Variants in EFTUD2 observed in about 807,000 individuals in gnomAD.
EFTUD2 encodes 116 kDa U5 small nuclear ribonucleoprotein component.
EFTUD2 carries 9 observed loss-of-function variants against 114.3 expected under a neutral mutation model. The ratio of observed to expected loss-of-function variants is 0.08; its 90% CI spans 0.05 to 0.14. The LOEUF (loss-of-function observed/expected upper bound fraction) is 0.14, where lower values mean the gene tolerates loss of function less well. EFTUD2 is among the 10% of genes least tolerant of loss of function. The pLI is 1.00. For missense variants in EFTUD2, 765 were observed against 1,241.2 expected (o/e 0.62, Z 5.76); for synonymous variants, 449 against 462.3 (o/e 0.97, Z 0.37).
intron 2 of EFTUD2, among the ~76,000 whole-genome samples, chr17:44,893,483 T>C (rs997794374): frequency 6.6e-6 from 1 of 152,170 alleles, no homozygotes; most frequent in Non-Finnish European, 1.5e-5. Context: ...CCAGTGCAGC[T>C]GTAGCTGGAA....
Position 44,857,139 on chromosome 17 carries a change from T to C in EFTUD2, c.1981A>G (p.Thr661Ala). 6.2e-7 allele frequency: 1 copy of C among 1,613,972 alleles called. No homozygotes were observed. The highest frequency in any genetic ancestry group is 8.5e-7 in the Non-Finnish European group (1 of 1,179,864). Residue 661 changes from threonine to alanine, a missense_variant, in exon 20 of 28, where the codon ACG becomes GCG. Physicochemically the swap from Thr to Ala is moderately conservative, Grantham distance 58. Around this residue, in one of 6 missense-constraint regions of EFTUD2, gnomAD observed 149 missense variants for 245.1 expected, o/e 0.61. Coordinates refer to ENST00000426333, the MANE Select transcript of EFTUD2 (RefSeq NM_004247.4). ...GTTTCCACCACCGTCTCACAAAACG[T>C]GACAACTGGGTCAGCCACCTGGGAA... ...IDIKVADPVV[T>A]FCETVVETSS...
rs138388046 is a variant in EFTUD2, at chr17:44,860,253, C to A, written c.1719+179G>T. On this transcript the variant is annotated intron_variant, in intron 17 of 27. Coordinates refer to ENST00000426333, the MANE Select transcript of EFTUD2 (RefSeq NM_004247.4). ...AGAGGAGGAAAATAATAAAAGGCAC[C>A]CGTCCTAATTCCTCGCATCTGAACT... 3.9e-3 allele frequency: 3,012 copies of A among 767,694 alleles called. 5 individuals are homozygous for A. The highest frequency in any genetic ancestry group is 5.4e-3 in the Non-Finnish European group (2,562 of 470,266). 47.6% of individuals were successfully genotyped at this position (767,694 alleles called of 1,614,324 possible).
intron 14 of EFTUD2, among the ~76,000 whole-genome samples, chr17:44,864,341 C>T (rs1287091419): frequency 6.6e-6 from 1 of 152,166 alleles, no homozygotes; most frequent in East Asian, 1.9e-4. Flanking sequence ...GGCCCAGACA[C>T]CTAATTCCCA....
intron 3 of EFTUD2, among the ~76,000 whole-genome samples, chr17:44,885,699 T>G (rs760731770): frequency 2.6e-5 from 4 of 152,134 alleles, no homozygotes; most frequent in Non-Finnish European, 5.9e-5. Context: ...GTTTCACTGT[T>G]ACCCAGGCTG....
At position 44,877,188 on chromosome 17, in the gene EFTUD2, G is replaced by A. The variant is rs1393575388; in HGVS notation, c.703-1088C>T. Among the ~76,000 whole-genome samples the A allele has an allele frequency of 4.6e-5, 7 of 151,134 alleles. No individual in the cohort carries two copies. In the East Asian group the frequency reaches 1.2e-3, roughly 25 times the overall value. On this transcript the variant is annotated intron_variant, in intron 9 of 27. Coordinates refer to ENST00000426333, the MANE Select transcript of EFTUD2 (RefSeq NM_004247.4). ...TCCAGCCTGGGCCAGAGGGCAAGATGCCATCTCTTTGAAGGAAAAAAAAAA... is the reference window on the plus strand; with the variant it reads ...TCCAGCCTGGGCCAGAGGGCAAGATACCATCTCTTTGAAGGAAAAAAAAAA...
intron 19 of EFTUD2, 95 bp from the exon 20 acceptor site, chr17:44,857,252 C>T (rs906221763): frequency 5.7e-6 from 6 of 1,050,010 alleles, no homozygotes; most frequent in Non-Finnish European, 8.8e-6. Flanking sequence ...CTTGACACTA[C>T]CTCTGTGAAA....
At chr17:44,865,257 C>CAA in intron 13 of EFTUD2, 192 bp from the exon 14 acceptor site, 3 of 677,178 alleles carry the variant, frequency 4.4e-6, no homozygotes, top group Non-Finnish European at 7.0e-6. Flanking sequence ...AAACCACAGG[C>CAA]AAAGCCAACT....
intron 8 of EFTUD2, 87 bp downstream of exon 8, chr17:44,880,467 C>T: frequency 5.5e-6 from 5 of 911,090 alleles, no homozygotes; most frequent in East Asian, 2.5e-5. Flanking sequence ...AACAAAGATG[C>T]ACTGCTCCGT....
chr17:44,866,755 A>G (rs527908836), intron 13 of EFTUD2, among the ~76,000 whole-genome samples: 2 of 152,358 alleles, frequency 1.3e-5, no homozygotes, highest in South Asian at 4.1e-4. Context: ...ATTAATGAGC[A>G]TAACTGACAA....
rs1304530017 is a variant in EFTUD2, at chr17:44,855,128, C to G, written c.2046-124G>C. 3 of 831,024 alleles carry G rather than the reference C, an allele frequency of 3.6e-6. No individual in the cohort carries two copies. The East Asian group carries it at 7.6e-5, about 21-fold the overall frequency. The allele number at this position is 831,024 out of a possible 1,614,324, so 51.5% of individuals were successfully genotyped here. A position where few individuals can be genotyped will look rare whatever the true frequency, so the allele number is the denominator to read the frequency against. Reference sequence around the variant, plus strand: ...ATCAGTGAAAGCCACAGGGGCCAAGCGTGGTGGTTCAGACCTGTAATCCCA... The same window carrying G: ...ATCAGTGAAAGCCACAGGGGCCAAGGGTGGTGGTTCAGACCTGTAATCCCA... On this transcript the variant is annotated intron_variant, in intron 20 of 27. Transcript: ENST00000426333.
intron 2 of EFTUD2, among the ~76,000 whole-genome samples, chr17:44,890,628 G>T (rs1184030239): frequency 4.1e-5 from 6 of 148,030 alleles, no homozygotes; most frequent in Admixed American, 2.7e-4. Flanking sequence ...GGAGGTGGAG[G>T]TTACAGTGAG....
intron 10 of EFTUD2, among the ~76,000 whole-genome samples, chr17:44,874,611 T>A (rs907255477): frequency 1.3e-5 from 2 of 152,176 alleles, no homozygotes; most frequent in African/African-American, 4.8e-5. Flanking sequence ...CTGCAGGAAG[T>A]CATCTAGCAC....
chr17:44,881,612 C>T, intron 7 of EFTUD2, 75 bp downstream of exon 7: 1 of 1,505,524 alleles, frequency 6.6e-7, no homozygotes. Context: ...CATAAAGGCT[C>T]CTCTACATTC....
At chr17:44,863,079 GA>G in intron 15 of EFTUD2, 173 bp from the exon 16 acceptor site, 1 of 493,428 alleles carries the variant, frequency 2.0e-6, no homozygotes, top group Non-Finnish European at 3.5e-6. Context: ...GGATGAATAG[GA>G]GACATGGCAG....
Position 44,857,305 on chromosome 17 carries a change from A to G in EFTUD2, c.1963-148T>C, listed in dbSNP as rs1303627811. On this transcript the variant is annotated intron_variant, in intron 19 of 27. Coordinates refer to ENST00000426333, the MANE Select transcript of EFTUD2 (RefSeq NM_004247.4). The stretch of plus-strand genomic sequence containing the variant: ...CAGCACAAGTGATAAGTACAACAGC[A>G]GGTTAAAAGAGCTGTCCAAATCATC... 4.8e-6 allele frequency: 3 copies of G among 630,182 alleles called. No homozygotes were observed. In the African/African-American group the frequency reaches 5.5e-5, roughly 11 times the overall value. 39.0% of individuals were successfully genotyped at this position (630,182 alleles called of 1,614,324 possible).
rs769709970 is a variant in EFTUD2 at position 44,853,649 on chromosome 17, G to A, written c.2348-14C>T. ...CATTCCGAATCACTGTAAAGGAGGT[G>A]GAGGGAGTGACTGGGGAGAGGTTCT... On this transcript the variant is annotated splice_polypyrimidine_tract_variant and intron_variant, in intron 23 of 27. Transcript: ENST00000426333. 1.9e-5 allele frequency: 30 copies of A among 1,613,040 alleles called. No individual in the cohort carries two copies. The East Asian group carries it at 5.1e-4, about 28-fold the overall frequency.
chr17:44,873,955 C>T (rs191236979), intron 10 of EFTUD2, among the ~76,000 whole-genome samples: 15 of 148,742 alleles, frequency 1.0e-4, no homozygotes, highest in Admixed American at 6.7e-4. Context: ...AGGATGGTCT[C>T]GATCTCCTGA....
At chr17:44,862,659 G>A (rs1301147515) in intron 16 of EFTUD2, 54 bp downstream of exon 16, 1 of 1,523,862 alleles carries the variant, frequency 6.6e-7, no homozygotes, top group Admixed American at 1.9e-5. Flanking sequence ...GCTCCTTGGG[G>A]GCAGCCCCTG....
intron 10 of EFTUD2, among the ~76,000 whole-genome samples, chr17:44,875,215 A>G (rs1597809842): frequency 6.6e-6 from 1 of 151,854 alleles, no homozygotes; most frequent in African/African-American, 2.4e-5. Flanking sequence ...AAATATAAAT[A>G]AATAAAAAAT....
Sources: gnomAD v4.1 joint callset for allele counts (sites outside exome capture counted in the v4.1 genomes callset) on GRCh38, gnomAD v4.1.1 for gene constraint, gnomAD v4.1.1 regional missense constraint, MANE v1.5 for transcripts, NCBI Gene and HGNC (gene_info 2026-07-23, HGNC 2026-07-21) for gene names.